TRAPPC9: variants seen among roughly 807,000 people sequenced by gnomAD.
TRAPPC9 encodes the protein IKK2 binding protein.
Under a neutral mutation model 124.0 loss-of-function variants are expected in TRAPPC9, and 83 were observed. That is an observed-to-expected ratio of 0.67 (90% CI 0.56 to 0.80). The LOEUF (loss-of-function observed/expected upper bound fraction) is 0.80, where lower values mean the gene tolerates loss of function less well. TRAPPC9 is among the 30% of genes least tolerant of loss of function. The pLI is 0.00. For missense variants in TRAPPC9, 1,302 were observed against 1,508.3 expected (o/e 0.86, Z 2.27); for synonymous variants, 638 against 617.5 (o/e 1.03, Z -0.49).
In TRAPPC9 at chr8:139,825,159, G is replaced by C. The variant is rs1825535604; in HGVS notation, c.3055+60720C>G. ...GGACTACAGGATTACAGAGGGGTCT[G>C]AGAAGGTCTTACTGAGGCATGGGGT... On this transcript the variant is annotated intron_variant, in intron 21 of 22. Transcript: ENST00000438773. The surrounding 1 kb of genome is among the most constrained non-coding windows in gnomAD (Gnocchi z 4.6). 6.6e-6 allele frequency among the ~76,000 whole-genome samples: 1 copy of C among 152,186 alleles called. No individual in the cohort carries two copies. Among genetic ancestry groups the C allele is most frequent in the Non-Finnish European group, 1.5e-5 (1 of 68,016 alleles).
chr8:140,350,081 G>A (rs941967471), intron 9 of TRAPPC9, among the ~76,000 whole-genome samples: 30 of 152,208 alleles, frequency 2.0e-4, no homozygotes, highest in African/African-American at 6.8e-4. Context: ...CACCTTTTGA[G>A]GGAACAGTGG....
intron 17 of TRAPPC9, among the ~76,000 whole-genome samples, chr8:140,068,782 C>G (rs1219586715): frequency 6.6e-6 from 1 of 152,216 alleles, no homozygotes; most frequent in African/African-American, 2.4e-5. Context: ...TCATTTGGCA[C>G]AACGATATAG....
intron 7 of TRAPPC9, among the ~76,000 whole-genome samples, chr8:140,396,842 C>G (rs1024695762): frequency 1.3e-5 from 2 of 152,164 alleles, no homozygotes; most frequent in Admixed American, 1.3e-4. Context: ...CCCTTGGCAC[C>G]TGTACCTCCA....
intron 9 of TRAPPC9, among the ~76,000 whole-genome samples, chr8:140,358,610 A>C (rs1404129938): frequency 6.6e-6 from 1 of 152,244 alleles, no homozygotes; most frequent in Non-Finnish European, 1.5e-5. Context: ...AGGGGAAAGC[A>C]GTGGGTGGAG....
At chr8:140,317,869 C>T (rs1588143633) in intron 9 of TRAPPC9, among the ~76,000 whole-genome samples, 1 of 152,066 alleles carries the variant, frequency 6.6e-6, no homozygotes, top group East Asian at 1.9e-4. Context: ...TTACAAAATA[C>T]CTGCCAAAGA....
rs563345908 is a variant in TRAPPC9 at position 140,230,681 on chromosome 8, G to A, written c.2432-9098C>T. ...CCCAGCTACTCGGGAGGCTGAGGCA[G>A]GAGAACTGCTTGAACCTGAGAGGTG... On this transcript the variant is annotated intron_variant, in intron 16 of 22. Coordinates refer to ENST00000438773, the MANE Select transcript of TRAPPC9 (RefSeq NM_001160372.4). Among the ~76,000 whole-genome samples the A allele has an allele frequency of 1.5e-3, 226 of 152,280 alleles. 1 individual carries two copies. Among genetic ancestry groups the A allele is most frequent in the African/African-American group, 5.3e-3 (220 of 41,562 alleles).
intron 17 of TRAPPC9, among the ~76,000 whole-genome samples, chr8:140,142,622 G>A (rs1191776936): frequency 1.3e-5 from 2 of 152,200 alleles, no homozygotes; most frequent in Non-Finnish European, 2.9e-5. Context: ...CTTCCATGCA[G>A]TCTTCTCCTA....
At chr8:140,274,338 G>A (rs1563906740) in intron 15 of TRAPPC9, among the ~76,000 whole-genome samples, 3 of 152,128 alleles carry the variant, frequency 2.0e-5, no homozygotes, top group Non-Finnish European at 4.4e-5. Flanking sequence ...GGGCACACCC[G>A]GCCCTCCTGA....
chr8:139,905,290 G>C (rs534391178), intron 20 of TRAPPC9, among the ~76,000 whole-genome samples: 2 of 152,288 alleles, frequency 1.3e-5, no homozygotes, highest in East Asian at 3.9e-4. Context: ...GGCTGATGTG[G>C]GCAAGAAAGC....
At chr8:140,005,259 C>T (rs1438674939) in intron 18 of TRAPPC9, among the ~76,000 whole-genome samples, 1 of 152,128 alleles carries the variant, frequency 6.6e-6, no homozygotes, top group Non-Finnish European at 1.5e-5. Context: ...TGAGTTAAAA[C>T]CTCTAGCAGT....
At chr8:139,963,993 G>A (rs937886633) in intron 19 of TRAPPC9, among the ~76,000 whole-genome samples, 5 of 152,114 alleles carry the variant, frequency 3.3e-5, no homozygotes, top group African/African-American at 1.2e-4. Flanking sequence ...GGGAGGCCGA[G>A]GCGGGTGGAT....
At chr8:139,896,782 C>G (rs1830693855) in intron 20 of TRAPPC9, among the ~76,000 whole-genome samples, 1 of 152,246 alleles carries the variant, frequency 6.6e-6, no homozygotes, top group Non-Finnish European at 1.5e-5. Context: ...AGTGTCCACA[C>G]CAAGCCTGGC....
chr8:140,432,023 T>C (rs1225447599), intron 4 of TRAPPC9, among the ~76,000 whole-genome samples: 1 of 152,200 alleles, frequency 6.6e-6, no homozygotes, highest in Non-Finnish European at 1.5e-5. Flanking sequence ...CTTTTCCAGG[T>C]ATCCAAATAT....
chr8:140,135,929 C>A (rs1482647227), intron 17 of TRAPPC9, among the ~76,000 whole-genome samples: 1 of 152,158 alleles, frequency 6.6e-6, no homozygotes, highest in African/African-American at 2.4e-5. Context: ...AAAAGCGTAA[C>A]AGAGTCAGCT....
In TRAPPC9 at chr8:140,207,030, T is replaced by C. The variant is rs535793246; in HGVS notation, c.2556+14429A>G. On this transcript the variant is annotated intron_variant, in intron 17 of 22. Coordinates refer to ENST00000438773, the MANE Select transcript of TRAPPC9 (RefSeq NM_001160372.4). Reference sequence around the variant, plus strand: ...GACAGACAAGGACAGTGCCAACGACTCCGCCCAGTGATGATGAGACTGCAC... The same window carrying C: ...GACAGACAAGGACAGTGCCAACGACCCCGCCCAGTGATGATGAGACTGCAC... Among the ~76,000 whole-genome samples, 27 of 152,270 alleles carry C rather than the reference T, an allele frequency of 1.8e-4. No individual in the cohort carries two copies. In the East Asian group the frequency reaches 5.2e-3, roughly 29 times the overall value.
At chr8:140,044,166 A>G (rs928940078) in intron 17 of TRAPPC9, among the ~76,000 whole-genome samples, 4 of 152,018 alleles carry the variant, frequency 2.6e-5, no homozygotes, top group Non-Finnish European at 4.4e-5. Flanking sequence ...TCTGCTTCAC[A>G]GCAGTCCAAC....
At chr8:140,254,584 T>A (rs577458839) in intron 15 of TRAPPC9, among the ~76,000 whole-genome samples, 18 of 152,276 alleles carry the variant, frequency 1.2e-4, no homozygotes, top group African/African-American at 4.1e-4. Flanking sequence ...CAGGAAGCCA[T>A]GAGCACGGGG....
At chr8:140,358,711 G>A (rs2067831376) in intron 9 of TRAPPC9, among the ~76,000 whole-genome samples, 1 of 152,160 alleles carries the variant, frequency 6.6e-6, no homozygotes, top group Admixed American at 6.5e-5. Context: ...TGAGGGAGTG[G>A]GGTCGCCACC....
intron 21 of TRAPPC9, among the ~76,000 whole-genome samples, chr8:139,751,089 G>A (rs769190717): frequency 5.3e-5 from 8 of 152,176 alleles, no homozygotes; most frequent in Non-Finnish European, 1.2e-4. Context: ...ATGGCTGGCT[G>A]GCCAATCAAT....
Sources: allele counts gnomAD v4.1 joint callset (sites outside exome capture counted in the v4.1 genomes callset), GRCh38; gene constraint gnomAD v4.1.1; non-coding constraint Gnocchi (gnomAD v3.1); transcripts MANE v1.5; gene names NCBI Gene and HGNC (gene_info 2026-07-23, HGNC 2026-07-21).